Variants in ASB4 observed in about 807,000 individuals in gnomAD.
ASB4 encodes the protein ankyrin repeat and SOCS box protein 4.
ASB4 carries 35 observed loss-of-function variants against 38.6 expected under a neutral mutation model. The ratio of observed to expected loss-of-function variants is 0.91; its 90% CI spans 0.69 to 1.20. The LOEUF (loss-of-function observed/expected upper bound fraction) is 1.20. Among genes scored for constraint, ASB4 ranks in the 50% most tolerant of loss-of-function variants. The pLI, the probability that ASB4 is intolerant of heterozygous loss-of-function variation, is 0.00. For missense variants in ASB4, 557 were observed against 527.2 expected (o/e 1.06, Z -0.55); for synonymous variants, 195 against 201.3 (o/e 0.97, Z 0.26).
At chr7:95,485,922 G>C, upstream of ASB4, 1 of 1,563,784 alleles carries the variant, frequency 6.4e-7, no homozygotes, top group Admixed American at 1.8e-5. Context: ...TGTTTGCTCG[G>C]TGCTGTTCTC....
At position 95,515,265 on chromosome 7, in the gene ASB4, T is replaced by C. The variant is rs868449693; in HGVS notation, c.488-12548T>C. On this transcript the variant is annotated intron_variant, in intron 2 of 4. Transcript: ENST00000325885. Reference sequence around the variant, plus strand: ...TTTCTTTCTTTCCTTCTTTCTTTCTTTCTCTTTCTTTCTTTCTTTCTTTCT... The same window carrying C: ...TTTCTTTCTTTCCTTCTTTCTTTCTCTCTCTTTCTTTCTTTCTTTCTTTCT... Among the ~76,000 whole-genome samples the C allele has an allele frequency of 5.5e-4, 52 of 95,116 alleles. 2 individuals carry two copies. In the South Asian group the frequency reaches 0.013, roughly 23 times the overall value. The allele number at this position is 95,116 out of a possible 152,430, so 62.4% of individuals were successfully genotyped here.
intron 2 of ASB4, among the ~76,000 whole-genome samples, chr7:95,524,498 T>TA (rs36097927): frequency 6.6e-6 from 1 of 151,570 alleles, no homozygotes; most frequent in Non-Finnish European, 1.5e-5. Flanking sequence ...TTACAATAAT[T>TA]AAAAAAAACT....
chr7:95,481,270 T>C (rs145310473), upstream of ASB4, among the ~76,000 whole-genome samples: 131 of 152,282 alleles, frequency 8.6e-4, 1 homozygote, highest in African/African-American at 3.1e-3. Flanking sequence ...AAATCTTTAC[T>C]GGTTCAGTTC....
upstream of ASB4, among the ~76,000 whole-genome samples, chr7:95,481,995 C>CCTCCTGA (rs1253083706): frequency 2.6e-5 from 4 of 152,132 alleles, no homozygotes; most frequent in Non-Finnish European, 5.9e-5. Context: ...TGAGTTGAAG[C>CCTCCTGA]GGTGGCTTGG....
chr7:95,548,319 G>T, the ASB4 span, among the ~76,000 whole-genome samples: 1 of 152,176 alleles, frequency 6.6e-6, no homozygotes, highest in Non-Finnish European at 1.5e-5. Context: ...GGCTAATGAT[G>T]TTAAACAGCT....
At chr7:95,514,961 A>C (rs1322840324) in intron 2 of ASB4, among the ~76,000 whole-genome samples, 3 of 152,164 alleles carry the variant, frequency 2.0e-5, no homozygotes, top group African/African-American at 7.2e-5. Flanking sequence ...GGCTGTTCTA[A>C]ACCTTTATGT....
At chr7:95,543,651 T>C (rs1790998276), downstream of ASB4, 1 of 152,212 alleles carries the variant, frequency 6.6e-6, no homozygotes, top group Non-Finnish European at 1.5e-5. Flanking sequence ...TAAAAGTGAG[T>C]ATCCCTGACA....
intron 2 of ASB4, among the ~76,000 whole-genome samples, chr7:95,522,436 C>T (rs1027019707): frequency 6.6e-6 from 1 of 152,110 alleles, no homozygotes; most frequent in African/African-American, 2.4e-5. Flanking sequence ...GATAATCTTT[C>T]CTAAATATTA....
intron 2 of ASB4, among the ~76,000 whole-genome samples, chr7:95,524,237 T>A (rs1343941994): frequency 6.6e-6 from 1 of 152,184 alleles, no homozygotes; most frequent in African/African-American, 2.4e-5. Context: ...GCAATGCCCA[T>A]CTACAGTTGA....
At chr7:95,537,534 C>T (rs1790912421) in intron 4 of ASB4, 37 bp from the exon 5 acceptor site, 1 of 1,532,188 alleles carries the variant, frequency 6.5e-7, no homozygotes, top group African/African-American at 1.4e-5. Context: ...AACTGTGGGG[C>T]CTTGCTAACT....
In ASB4 at chr7:95,515,316, T is replaced by TCTTTCTTCCTTCCTTC. The variant is rs1420581416; in HGVS notation, c.488-12494_488-12493insTCTTCCTTCCTTCCTT. Among the ~76,000 whole-genome samples, 150 of 95,792 alleles carry TCTTTCTTCCTTCCTTC rather than the reference T, an allele frequency of 1.6e-3. 3 individuals are homozygous for TCTTTCTTCCTTCCTTC. In the East Asian group the frequency reaches 0.031, roughly 20 times the overall value. 62.8% of individuals were successfully genotyped at this position (95,792 alleles called of 152,430 possible). On this transcript the variant is annotated intron_variant, in intron 2 of 4. Coordinates refer to ENST00000325885, the MANE Select transcript of ASB4 (RefSeq NM_016116.3). Reference sequence around the variant, plus strand: ...TTCTTTCTTTCTTTCTTTCTTTCTTTCTTCCTTCCTTCCTTCCTTTCTTTC... The same window carrying TCTTTCTTCCTTCCTTC: ...TTCTTTCTTTCTTTCTTTCTTTCTTTCTTTCTTCCTTCCTTCCTTCCTTCCTTCCTTCCTTTCTTTC...
At chr7:95,537,457 A>C in intron 4 of ASB4, 114 bp from the exon 5 acceptor site, 2 of 866,106 alleles carry the variant, frequency 2.3e-6, no homozygotes, top group Non-Finnish European at 3.4e-6. Context: ...CCTCACCAAT[A>C]GAGACCCTAG....
At chr7:95,536,623 T>C (rs1322842438) in intron 4 of ASB4, 73 bp downstream of exon 4, 1 of 1,140,680 alleles carries the variant, frequency 8.8e-7, no homozygotes, top group African/African-American at 1.6e-5. Flanking sequence ...TACAGAAAAT[T>C]GTAACAAAAA....
At chr7:95,548,374 G>C in the ASB4 span, among the ~76,000 whole-genome samples, 2 of 152,278 alleles carry the variant, frequency 1.3e-5, no homozygotes, top group South Asian at 2.1e-4. Flanking sequence ...TTGGTGAACT[G>C]TCTGTTGGAA....
At chr7:95,493,268 C>A (rs566030510) in intron 1 of ASB4, among the ~76,000 whole-genome samples, 2 of 151,806 alleles carry the variant, frequency 1.3e-5, no homozygotes, top group East Asian at 3.9e-4. Flanking sequence ...AACTGGATTT[C>A]TTTTTAAAGA....
At chr7:95,480,625 T>C (rs1157413499) in intron 1 of ASB4, among the ~76,000 whole-genome samples, 2 of 152,302 alleles carry the variant, frequency 1.3e-5, no homozygotes, top group Admixed American at 1.3e-4. Flanking sequence ...ACAAACCACA[T>C]AACCAGCATC....
intron 2 of ASB4, among the ~76,000 whole-genome samples, chr7:95,515,438 A>T: frequency 8.1e-6 from 1 of 123,088 alleles, no homozygotes; most frequent in Non-Finnish European, 1.6e-5. Flanking sequence ...TTTTTTTAAG[A>T]CAGAGTCTCA....
chr7:95,506,992 G>A (rs982874964), intron 2 of ASB4, among the ~76,000 whole-genome samples: 2 of 151,690 alleles, frequency 1.3e-5, no homozygotes, highest in Admixed American at 6.6e-5. Flanking sequence ...TCTTTTCTAG[G>A]TTGTTTTTCT....
At chr7:95,504,496 C>A (rs976297626) in intron 2 of ASB4, among the ~76,000 whole-genome samples, 12 of 152,130 alleles carry the variant, frequency 7.9e-5, no homozygotes, top group African/African-American at 2.9e-4. Context: ...TCATCTTCTG[C>A]GTTATACATT....
Sources: gnomAD v4.1 joint callset for allele counts (sites outside exome capture counted in the v4.1 genomes callset) on GRCh38, gnomAD v4.1.1 for gene constraint, MANE v1.5 for transcripts, NCBI Gene and HGNC (gene_info 2026-07-23, HGNC 2026-07-21) for gene names.